The following ESPL1 variants were observed in gnomAD, a reference collection of about 807,000 sequenced individuals.
The protein encoded by ESPL1 is extra spindle pole bodies like 1, separase, also known as separin.
A neutral mutation model predicts 217.2 loss-of-function variants in ESPL1; 50 were observed. That is an observed-to-expected ratio of 0.23 (90% CI 0.18 to 0.29). ESPL1 has a LOEUF of 0.29. Among genes scored for constraint, ESPL1 ranks in the 10% least tolerant of loss-of-function variants. The probability of loss-of-function intolerance (pLI) is 1.00; values close to 1 mark genes in which losing one functional copy is unlikely to be tolerated. For missense variants in ESPL1, 1,834 were observed against 2,603.0 expected (o/e 0.70, Z 6.43); for synonymous variants, 994 against 1,081.3 (o/e 0.92, Z 1.58).
At chr12:53,289,329 C>A (rs898119371) in intron 21 of ESPL1, 26 bp downstream of exon 21, 1 of 1,610,224 alleles carries the variant, frequency 6.2e-7, no homozygotes. Flanking sequence ...CCCCAAGACT[C>A]CTGCTGGGGC....
In ESPL1 at chr12:53,286,745, G is replaced by C. The variant is rs759335663; in HGVS notation, c.4009G>C (p.Gly1337Arg). The C allele has an allele frequency of 1.3e-5, 21 of 1,614,022 alleles. No individual in the cohort carries two copies. The East Asian group carries it at 4.2e-4, about 33-fold the overall frequency. The change falls in exon 18 of 31, where the codon GGT becomes CGT. Residue 1337 changes from glycine to arginine, a missense_variant. Gly to Arg is a moderately radical substitution (Grantham distance 125, BLOSUM62 -2). Coordinates refer to ENST00000257934, the MANE Select transcript of ESPL1 (RefSeq NM_012291.5). This position sits in a 1 kb window ranked among gnomAD's most constrained non-coding sequence, Gnocchi z 5.3. ...PLRLNNTSQK[G>R]LEGRGLPCTP... ...GCGCCTCAATAATACCTCTCAGAAA[G>C]GTCTGGAAGGTAGAGGACTGCCCTG...
At chr12:53,288,772 T>G (rs935909379) in intron 20 of ESPL1, 73 bp downstream of exon 20, 1 of 1,429,858 alleles carries the variant, frequency 7.0e-7, no homozygotes, top group Non-Finnish European at 9.5e-7. Context: ...CCTCTGTCTT[T>G]CCAGGCTGGG....
Position 53,293,235 on chromosome 12 carries a change from G to T in ESPL1, c.6162-38G>T. 3 of 1,529,098 alleles carry T rather than the reference G, an allele frequency of 2.0e-6. No individual in the cohort carries two copies. The highest frequency in any genetic ancestry group is 2.7e-6 in the Non-Finnish European group (3 of 1,102,856). The allele number at this position is 1,529,098 out of a possible 1,614,324, so 94.7% of individuals were successfully genotyped here. A position where few individuals can be genotyped will look rare whatever the true frequency, so the allele number is the denominator to read the frequency against. On this transcript the variant is annotated intron_variant, in intron 30 of 30. Transcript: ENST00000257934. This position sits in a 1 kb window ranked among gnomAD's most constrained non-coding sequence, Gnocchi z 4.2. The stretch of plus-strand genomic sequence containing the variant: ...GTGTTTTCCTATGTATTCTGTTTTA[G>T]AGCCCTTACTTTGTATTTCCTCCTT...
At position 53,288,524 on chromosome 12, in the gene ESPL1, T is replaced by G; in HGVS notation, c.4547-14T>G. 1.9e-6 allele frequency: 3 copies of G among 1,602,652 alleles called. No individual in the cohort carries two copies. Among genetic ancestry groups the G allele is most frequent in the Non-Finnish European group, 2.6e-6 (3 of 1,175,506 alleles). On this transcript the variant is annotated splice_polypyrimidine_tract_variant and intron_variant, in intron 19 of 30. Transcript: ENST00000257934. Reference sequence around the variant, plus strand: ...GGGAGGGAGCACTGTGAAAAAGGCCTGCTCTCTCCCCAGGTGGGAAGACTC... The same window carrying G: ...GGGAGGGAGCACTGTGAAAAAGGCCGGCTCTCTCCCCAGGTGGGAAGACTC...
chr12:53,270,097 A>G lies in ESPL1; in HGVS notation c.1143+12A>G. 1 of 1,589,494 alleles carries G rather than the reference A, an allele frequency of 6.3e-7. No homozygotes were observed. On this transcript the variant is annotated intron_variant, in intron 3 of 30. Transcript: ENST00000257934. ...TGCGGGATGATGGTGTGAGTTAAGG[A>G]CCTGGAGGTAGGGTGGGGACGTGGT...
rs1483365764 is a variant in ESPL1, at chr12:53,282,188, C to T, written c.2620-76C>T. On this transcript the variant is annotated intron_variant, in intron 13 of 30. Coordinates refer to ENST00000257934, the MANE Select transcript of ESPL1 (RefSeq NM_012291.5). The surrounding 1 kb of genome is among the most constrained non-coding windows in gnomAD (Gnocchi z 4.0). ...CCCAGGGCCTTCAGGGATGGGGCCA[C>T]GTAATCTCCAGGGCCTCTCAAGCTC... 34 of 1,280,380 alleles carry T rather than the reference C, an allele frequency of 2.7e-5. No individual in the cohort carries two copies. Among genetic ancestry groups the T allele is most frequent in the Non-Finnish European group, 2.9e-5 (26 of 888,430 alleles). The allele number at this position is 1,280,380 out of a possible 1,614,324, so 79.3% of individuals were successfully genotyped here. A position where few individuals can be genotyped will look rare whatever the true frequency, so the allele number is the denominator to read the frequency against.
At position 53,286,378 on chromosome 12, in the gene ESPL1, G is replaced by C; in HGVS notation, c.3642G>C (p.Leu1214Phe). The change falls in exon 18 of 31, where the codon TTG (leucine) becomes TTC (phenylalanine). Residue 1214 changes from leucine (L) to phenylalanine (F), a missense_variant. Physicochemically the swap from Leu to Phe is conservative, Grantham distance 22. This residue lies in a region of ESPL1 where 681 missense variants were observed against 808.0 expected (regional missense o/e 0.84). Transcript: ENST00000257934. The surrounding 1 kb of genome is among the most constrained non-coding windows in gnomAD (Gnocchi z 5.3). ...TGAATCATAAAACACCCCCCTCCTT[G>C]GTTCCAAGCCTCTTGGATGAGATCT... ...ASLNHKTPPS[L>F]VPSLLDEILA... The C allele has an allele frequency of 1.2e-6, 2 of 1,614,190 alleles. No homozygotes were observed. The highest frequency in any genetic ancestry group is 1.7e-6 in the Non-Finnish European group (2 of 1,180,044).
At position 53,291,973 on chromosome 12, in the gene ESPL1, T is replaced by G. The variant is rs765603215; in HGVS notation, c.5692-11T>G. On this transcript the variant is annotated splice_polypyrimidine_tract_variant and intron_variant, in intron 26 of 30. Coordinates refer to ENST00000257934, the MANE Select transcript of ESPL1 (RefSeq NM_012291.5). ...GCTGGGGACAGTAACCTCTTAGTGC[T>G]TTTTGCCCAGGACTTGCAGAAGCTG... The G allele has an allele frequency of 1.9e-6, 3 of 1,613,024 alleles. No homozygotes were observed. Among genetic ancestry groups the G allele is most frequent in the Non-Finnish European group, 2.5e-6 (3 of 1,179,338 alleles).
chr12:53,286,232 G>C lies in ESPL1; in HGVS notation c.3496G>C (p.Val1166Leu). ...LTAVCLRWVL[V>L]TAGVRLAMGH... is the part of the protein sequence containing the mutation. ...AGCAGTCTGTCTGCGCTGGGTATTG[G>C]TCACGGCAGGGGTGAGGCTGGCCAT... Residue 1166 changes from valine to leucine, a missense_variant, in exon 18 of 31, where the codon GTC becomes CTC. This residue lies in a region of ESPL1 where 681 missense variants were observed against 808.0 expected (regional missense o/e 0.84). Coordinates refer to ENST00000257934, the MANE Select transcript of ESPL1 (RefSeq NM_012291.5). The surrounding 1 kb of genome is among the most constrained non-coding windows in gnomAD (Gnocchi z 5.3). The C allele has an allele frequency of 6.2e-7, 1 of 1,614,276 alleles. No homozygotes were observed. Among genetic ancestry groups the C allele is most frequent in the Non-Finnish European group, 8.5e-7 (1 of 1,180,050 alleles).
intron 12 of ESPL1, among the ~76,000 whole-genome samples, chr12:53,280,372 T>A (rs1943841338): frequency 6.6e-6 from 1 of 152,172 alleles, no homozygotes; most frequent in Middle Eastern, 3.2e-3. Flanking sequence ...ACTCTTACTA[T>A]TTTTGCATCA....
Position 53,279,866 on chromosome 12 carries a change from G to A in ESPL1, c.2499G>A (p.Gln833=), listed in dbSNP as rs150330971. ...CCCTCGGCTGTCCCAGCTATGCCCA[G>A]GTGAGTGCCCAACCAGCCTAGTCTG... ...LLTLGCPSYA[Q]LHLEEAASSL... The change falls in exon 12 of 31, where the codon CAG becomes CAA. Residue 833 remains glutamine (Q), a splice_region_variant and synonymous_variant. Transcript: ENST00000257934. 224 of 1,585,316 alleles carry A rather than the reference G, an allele frequency of 1.4e-4. No homozygotes were observed. The highest frequency in any genetic ancestry group is 1.8e-4 in the Non-Finnish European group (213 of 1,164,382).
intron 7 of ESPL1, 116 bp from the exon 8 acceptor site, chr12:53,276,504 C>A: frequency 1.7e-6 from 2 of 1,190,606 alleles, no homozygotes; most frequent in Non-Finnish European, 2.3e-6. Context: ...ATTTTTAAAG[C>A]CATGACTGGA....
At chr12:53,285,553 C>T (rs1943933289) in intron 17 of ESPL1, among the ~76,000 whole-genome samples, 1 of 151,870 alleles carries the variant, frequency 6.6e-6, no homozygotes, top group African/African-American at 2.4e-5. Context: ...CTAAAAAATA[C>T]AAAAAATTAG....
At chr12:53,281,447 C>T (rs145690038) in intron 12 of ESPL1, 60 bp from the exon 13 acceptor site, 437 of 1,580,262 alleles carry the variant, frequency 2.8e-4, no homozygotes, top group Non-Finnish European at 3.4e-4. Flanking sequence ...CTTATTTACT[C>T]CAGTTTTGTT....
At chr12:53,272,575 C>T in intron 5 of ESPL1, 146 bp from the exon 6 acceptor site, 2 of 893,280 alleles carry the variant, frequency 2.2e-6, no homozygotes, top group South Asian at 3.3e-5. Context: ...AGAGCCGCCC[C>T]TTCCCCATTC....
In ESPL1 at chr12:53,275,023, C is replaced by A; in HGVS notation, c.1700+13C>A. 2 of 1,508,970 alleles carry A rather than the reference C, an allele frequency of 1.3e-6. No homozygotes were observed. The highest frequency in any genetic ancestry group is 1.8e-6 in the Non-Finnish European group (2 of 1,130,336). 93.5% of individuals were successfully genotyped at this position (1,508,970 alleles called of 1,614,324 possible). ...AGCTACAGCTAAAGTGAGTTGAGGGCCAGACGCAGTGGCTCATGCTTGTAA... is the reference window on the plus strand; with the variant it reads ...AGCTACAGCTAAAGTGAGTTGAGGGACAGACGCAGTGGCTCATGCTTGTAA... On this transcript the variant is annotated intron_variant, in intron 7 of 30. Transcript: ENST00000257934.
chr12:53,290,702 C>G (rs149860100), intron 24 of ESPL1, 139 bp from the exon 25 acceptor site: 1 of 8,938 alleles, frequency 1.1e-4, no homozygotes, highest in Non-Finnish European at 2.2e-4. Context: ...TTAAACCCAA[C>G]TATCAGCTTC....
At chr12:53,275,660 CA>C (rs1323117318) in intron 7 of ESPL1, among the ~76,000 whole-genome samples, 1 of 151,426 alleles carries the variant, frequency 6.6e-6, no homozygotes, top group African/African-American at 2.4e-5. Context: ...GTCTTGCTTT[CA>C]TGGAGCTTAT....
Position 53,288,256 on chromosome 12 carries a change from C to A in ESPL1, c.4461C>A (p.Thr1487=). Residue 1487 remains threonine, a synonymous_variant, in exon 19 of 31, where the codon ACC becomes ACA. Transcript: ENST00000257934. ...GGCCTGGCCCTGAGATCATGAGGAC[C>A]ATCCCTGAGGAAGAACTGACTGACA... ...QARPGPEIMR[T]IPEEELTDNW... The A allele has an allele frequency of 1.2e-6, 2 of 1,608,434 alleles. No individual in the cohort carries two copies. The highest frequency in any genetic ancestry group is 1.7e-6 in the Non-Finnish European group (2 of 1,177,972).
Sources: allele counts gnomAD v4.1 joint callset (sites outside exome capture counted in the v4.1 genomes callset), GRCh38; gene constraint gnomAD v4.1.1; regional missense constraint gnomAD v4.1.1; non-coding constraint Gnocchi (gnomAD v3.1); transcripts MANE v1.5; gene names NCBI Gene and HGNC (gene_info 2026-07-23, HGNC 2026-07-21).